The following ATP2B2 variants were observed in gnomAD, a reference collection of about 807,000 sequenced individuals.
The protein encoded by ATP2B2 is ATPase plasma membrane Ca2+ transporting 2, also known as plasma membrane calcium-transporting ATPase 2.
ATP2B2 carries 15 observed loss-of-function variants against 120.0 expected under a neutral mutation model. That is an observed-to-expected ratio of 0.12 (90% CI 0.08 to 0.19). The LOEUF (loss-of-function observed/expected upper bound fraction) is 0.19. Ranked by LOEUF, ATP2B2 falls within the 10% of genes least tolerant of loss-of-function variation. ATP2B2 has a pLI of 1.00. For missense variants in ATP2B2, 1,045 were observed against 1,719.8 expected (o/e 0.61, Z 6.94); for synonymous variants, 694 against 700.3 (o/e 0.99, Z 0.14).
At chr3:10,385,092 C>T (rs1234859995) in intron 8 of ATP2B2, among the ~76,000 whole-genome samples, 176 bp downstream of exon 8, 2 of 152,180 alleles carry the variant, frequency 1.3e-5, no homozygotes, top group East Asian at 3.9e-4. Flanking sequence ...GAGCTGACTC[C>T]CCCGGCTGTG....
At chr3:10,535,513 C>T (rs2067295890) in intron 2 of ATP2B2, among the ~76,000 whole-genome samples, 1 of 152,104 alleles carries the variant, frequency 6.6e-6, no homozygotes, top group African/African-American at 2.4e-5. Flanking sequence ...CCTTGGGCTA[C>T]CCTGTTATAG....
At chr3:10,702,716 A>G (rs2071836997) in intron 1 of ATP2B2, among the ~76,000 whole-genome samples, 1 of 152,210 alleles carries the variant, frequency 6.6e-6, no homozygotes, top group Admixed American at 6.5e-5. Context: ...TTTTTAAATA[A>G]GGAACCGGGT....
intron 1 of ATP2B2, among the ~76,000 whole-genome samples, chr3:10,475,384 C>A (rs549295008): frequency 7.2e-5 from 11 of 152,332 alleles, no homozygotes; most frequent in South Asian, 2.1e-4. Context: ...TTACCACCTG[C>A]AGGCTCCTGC....
intron 1 of ATP2B2, chr3:10,626,107 C>T (rs1463687634): frequency 2.0e-5 from 3 of 152,172 alleles, no homozygotes; most frequent in African/African-American, 7.2e-5. Flanking sequence ...GTTCTGATCT[C>T]CAGGTGTGGA....
At chr3:10,498,502 G>A (rs1045063369) in intron 1 of ATP2B2, among the ~76,000 whole-genome samples, 9 of 152,336 alleles carry the variant, frequency 5.9e-5, no homozygotes, top group African/African-American at 1.7e-4. Flanking sequence ...AGCATTCCCC[G>A]CCCACTGCCT....
chr3:10,579,302 C>T (rs527797179), intron 2 of ATP2B2, among the ~76,000 whole-genome samples: 1 of 152,340 alleles, frequency 6.6e-6, no homozygotes, highest in African/African-American at 2.4e-5. Context: ...GGAGATGATG[C>T]TGCAAATGTG....
At chr3:10,393,062 C>T (rs113279413) in intron 5 of ATP2B2, among the ~76,000 whole-genome samples, 5,300 of 152,318 alleles carry the variant, frequency 0.035, 136 homozygotes, top group African/African-American at 0.068. Flanking sequence ...CCATGCCAGG[C>T]TCTCGGGTCT....
At chr3:10,695,263 A>G (rs1004802402) in intron 1 of ATP2B2, among the ~76,000 whole-genome samples, 4 of 151,524 alleles carry the variant, frequency 2.6e-5, no homozygotes, top group African/African-American at 9.7e-5. Context: ...AGAGAGAGAG[A>G]GAGAGAGAGA....
chr3:10,398,125 C>T (rs2062101548), intron 5 of ATP2B2, among the ~76,000 whole-genome samples: 1 of 152,198 alleles, frequency 6.6e-6, no homozygotes, highest in African/African-American at 2.4e-5. Context: ...TTGCCACTCC[C>T]TTGTGCTTGT....
intron 3 of ATP2B2, among the ~76,000 whole-genome samples, chr3:10,404,063 T>C (rs567846885): frequency 3.5e-4 from 54 of 152,226 alleles, no homozygotes; most frequent in Non-Finnish European, 5.0e-4. Context: ...GGAATGTTTA[T>C]GGGCATTGGG....
rs1334250607 is a variant in ATP2B2, at chr3:10,683,758, G to GTGTGTGTATATATATATATA, written c.-460+24156_-460+24157insTATATATATATATACACACA. On this transcript the variant is annotated intron_variant, in intron 1 of 21. Coordinates refer to the ATP2B2 transcript ENST00000646379. ...TATATGTGTATATATATGTGTGTGT[G>GTGTGTGTATATATATATATA]TGTATATATATATATATATATATAT... 3.9e-4 allele frequency among the ~76,000 whole-genome samples: 13 copies of GTGTGTGTATATATATATATA among 33,640 alleles called. 1 individual carries two copies. The highest frequency in any genetic ancestry group is 4.2e-4 in the Non-Finnish European group (7 of 16,760). The allele number at this position is 33,640 out of a possible 152,430, so 22.1% of individuals were successfully genotyped here. A position where few individuals can be genotyped will look rare whatever the true frequency, so the allele number is the denominator to read the frequency against.
At chr3:10,565,313 G>A (rs2067987166) in intron 2 of ATP2B2, among the ~76,000 whole-genome samples, 1 of 152,150 alleles carries the variant, frequency 6.6e-6, no homozygotes, top group Non-Finnish European at 1.5e-5. Flanking sequence ...TATGAAGGAA[G>A]CACAGCTTGG....
Position 10,331,341 on chromosome 3 carries a change from G to C in ATP2B2, c.3421-2216C>G, listed in dbSNP as rs145906652. ...CTTTCTTGTTTGTAGAATGGGAATA[G>C]CATCAAGGCTGTAGCTGCCTAGCCT... On this transcript the variant is annotated intron_variant, in intron 22 of 22. Transcript: ENST00000360273. Among the ~76,000 whole-genome samples, 16 of 152,356 alleles carry C rather than the reference G, an allele frequency of 1.1e-4. No homozygotes were observed. The East Asian group carries it at 2.9e-3, about 28-fold the overall frequency.
At chr3:10,638,770 A>T (rs1383556168) in intron 1 of ATP2B2, among the ~76,000 whole-genome samples, 4 of 152,264 alleles carry the variant, frequency 2.6e-5, no homozygotes, top group Non-Finnish European at 5.9e-5. Flanking sequence ...TGATGGAAAA[A>T]GATATGCTAT....
At chr3:10,520,479 T>G (rs1261075118) in intron 3 of ATP2B2, among the ~76,000 whole-genome samples, 1 of 152,182 alleles carries the variant, frequency 6.6e-6, no homozygotes, top group Non-Finnish European at 1.5e-5. Context: ...TTTTACTTTT[T>G]TTTTGTTTTG....
At chr3:10,585,515 A>AAAAAAAAAAAAC (rs2068490056) in intron 2 of ATP2B2, among the ~76,000 whole-genome samples, 1 of 149,972 alleles carries the variant, frequency 6.7e-6, no homozygotes, top group African/African-American at 2.5e-5. Flanking sequence ...AAAAAAAAAA[A>AAAAAAAAAAAAC]AAGATCCAGT....
At chr3:10,658,720 T>C (rs2070702930) in intron 1 of ATP2B2, among the ~76,000 whole-genome samples, 2 of 151,970 alleles carry the variant, frequency 1.3e-5, no homozygotes, top group Non-Finnish European at 2.9e-5. Context: ...CAGGCCAACA[T>C]TCAAATTCAG....
At position 10,337,778 on chromosome 3, in the gene ATP2B2, C is replaced by T. The variant is rs540174270; in HGVS notation, c.3420+398G>A. Among the ~76,000 whole-genome samples, 210 of 152,134 alleles carry T rather than the reference C, an allele frequency of 1.4e-3. 1 individual carries two copies. The highest frequency in any genetic ancestry group is 4.7e-3 in the African/African-American group (195 of 41,512). On this transcript the variant is annotated intron_variant, in intron 22 of 22. Transcript: ENST00000360273. ...CCACCACGCCCTGGGGGACCCTGGGCGACCTGGCCTGCAGCTTCTGTCCAG... is the reference window on the plus strand; with the variant it reads ...CCACCACGCCCTGGGGGACCCTGGGTGACCTGGCCTGCAGCTTCTGTCCAG...
chr3:10,445,307 A>G (rs1175911362), intron 2 of ATP2B2, among the ~76,000 whole-genome samples: 1 of 148,108 alleles, frequency 6.8e-6, no homozygotes, highest in East Asian at 1.9e-4. Flanking sequence ...GAACTCTCGC[A>G]GTGTCCCTTG....
Sources: gnomAD v4.1 joint callset for allele counts (sites outside exome capture counted in the v4.1 genomes callset) on GRCh38, gnomAD v4.1.1 for gene constraint, MANE v1.5 for transcripts, NCBI Gene and HGNC (gene_info 2026-07-23, HGNC 2026-07-21) for gene names.